SLC4A9: variants seen among roughly 807,000 people sequenced by gnomAD.
The protein encoded by SLC4A9 is anion exchange protein 4.
In SLC4A9, 102 loss-of-function variants were observed where a neutral mutation model predicts 103.2. That is an observed-to-expected ratio of 0.99 (90% CI 0.84 to 1.17). SLC4A9 has a LOEUF of 1.17. Ranked by LOEUF, SLC4A9 falls within the 50% of genes most tolerant of loss-of-function variation. The probability of loss-of-function intolerance (pLI) is 0.00; values close to 1 mark genes in which losing one functional copy is unlikely to be tolerated. For missense variants in SLC4A9, 1,091 were observed against 1,193.7 expected (o/e 0.91, Z 1.27); for synonymous variants, 453 against 483.6 (o/e 0.94, Z 0.83).
chr5:140,370,158 A>G (rs908524700), intron 17 of SLC4A9, among the ~76,000 whole-genome samples: 1 of 152,068 alleles, frequency 6.6e-6, no homozygotes, highest in East Asian at 1.9e-4. Context: ...GAGAGGAGAA[A>G]GATTTTTAAA....
chr5:140,364,314 G>A (rs1581141495), intron 10 of SLC4A9, 49 bp from the exon 11 acceptor site: 1 of 1,607,892 alleles, frequency 6.2e-7, no homozygotes, highest in Non-Finnish European at 8.5e-7. Context: ...GGTTTAGTGG[G>A]AAGCAGACAG....
At chr5:140,370,316 T>A (rs1768516621) in intron 17 of SLC4A9, among the ~76,000 whole-genome samples, 1 of 151,646 alleles carries the variant, frequency 6.6e-6, no homozygotes, top group Non-Finnish European at 1.5e-5. Context: ...ATATAAAAGT[T>A]AGCTGGGCGT....
chr5:140,360,775 T>A lies in SLC4A9; in HGVS notation c.231-37T>A, dbSNP rs551087926. 6.2e-6 allele frequency: 10 copies of A among 1,612,710 alleles called. No individual in the cohort carries two copies. In the African/African-American group the frequency reaches 1.3e-4, roughly 21 times the overall value. On this transcript the variant is annotated intron_variant, in intron 1 of 21. Coordinates refer to ENST00000506757, the MANE Select transcript of SLC4A9 (RefSeq NM_031467.3). ...TCTCTGCTCCTGGACATGGGAGAAATGCCCTCAATAACACTGTCTACCCAC... is the reference window on the plus strand; with the variant it reads ...TCTCTGCTCCTGGACATGGGAGAAAAGCCCTCAATAACACTGTCTACCCAC...
Position 140,360,683 on chromosome 5 carries a change from G to T in SLC4A9, c.231-129G>T, listed in dbSNP as rs1047671538. ...TAGATGAGGGGTGACTGCCAGGGTGGGGGGGAGACTTCACACCACTGGGCC... is the reference window on the plus strand; with the variant it reads ...TAGATGAGGGGTGACTGCCAGGGTGTGGGGGAGACTTCACACCACTGGGCC... On this transcript the variant is annotated intron_variant, in intron 1 of 21. Transcript: ENST00000506757. 8 of 1,442,568 alleles carry T rather than the reference G, an allele frequency of 5.5e-6. No individual in the cohort carries two copies. In the African/African-American group the frequency reaches 7.0e-5, roughly 13 times the overall value. 89.4% of individuals were successfully genotyped at this position (1,442,568 alleles called of 1,614,324 possible). A position where few individuals can be genotyped will look rare whatever the true frequency, so the allele number is the denominator to read the frequency against.
intron 19 of SLC4A9, among the ~76,000 whole-genome samples, chr5:140,371,918 T>C (rs554138806): frequency 6.6e-6 from 1 of 152,348 alleles, no homozygotes; most frequent in South Asian, 2.1e-4. Context: ...GTGACACTTT[T>C]ATTACTCAGT....
chr5:140,364,543 G>A lies in SLC4A9; in HGVS notation c.1569G>A (p.Met523Ile). Reference sequence around the variant, plus strand: ...TCATCTACGATGCTGTGGGCAAAATGCTGAACTTGACCCATACCTATCCTA... The same window carrying A: ...TCATCTACGATGCTGTGGGCAAAATACTGAACTTGACCCATACCTATCCTA... ...LIFIYDAVGK[M>I]LNLTHTYPIQ... The change falls in exon 11 of 22, where the codon ATG becomes ATA. Residue 523 changes from methionine to isoleucine, a missense_variant. Physicochemically the swap from Met to Ile is conservative, Grantham distance 10. Coordinates refer to ENST00000506757, the MANE Select transcript of SLC4A9 (RefSeq NM_031467.3). 6.2e-7 allele frequency: 1 copy of A among 1,607,646 alleles called. No individual in the cohort carries two copies. The highest frequency in any genetic ancestry group is 8.5e-7 in the Non-Finnish European group (1 of 1,176,830).
chr5:140,373,842 T>G (rs899415037), intron 21 of SLC4A9, among the ~76,000 whole-genome samples: 3 of 151,732 alleles, frequency 2.0e-5, no homozygotes, highest in Admixed American at 2.0e-4. Context: ...GGGAAAATAT[T>G]CTAAGGAAGG....
intron 16 of SLC4A9, 69 bp downstream of exon 16, chr5:140,367,967 A>T: frequency 6.5e-7 from 1 of 1,539,668 alleles, no homozygotes; most frequent in Non-Finnish European, 8.9e-7. Context: ...AACATGGCAG[A>T]GTTACTTGGG....
At chr5:140,361,400 C>A (rs1767064681) in intron 3 of SLC4A9, 33 bp downstream of exon 3, 1 of 1,516,870 alleles carries the variant, frequency 6.6e-7, no homozygotes, top group Non-Finnish European at 9.0e-7. Context: ...AGGACCAAGA[C>A]CCTGGTGTGG....
At chr5:140,367,925 TA>T (rs749908223) in intron 16 of SLC4A9, 27 bp downstream of exon 16, 13 of 1,611,160 alleles carry the variant, frequency 8.1e-6, no homozygotes, top group African/African-American at 1.3e-5. Flanking sequence ...GGAAGTGGAG[TA>T]AGAGGTGGGC....
intron 14 of SLC4A9, 28 bp downstream of exon 14, chr5:140,366,292 A>G: frequency 6.6e-7 from 1 of 1,511,722 alleles, no homozygotes; most frequent in South Asian, 1.2e-5. Flanking sequence ...GGGTTGGGGG[A>G]CCAGAGGGGA....
At chr5:140,367,698 T>C (rs1768098659) in intron 15 of SLC4A9, 22 bp from the exon 16 acceptor site, 6 of 1,613,264 alleles carry the variant, frequency 3.7e-6, no homozygotes, top group Non-Finnish European at 5.1e-6. Flanking sequence ...TTCATCCTCA[T>C]TGCCCCCACC....
chr5:140,372,175 G>C lies in SLC4A9; in HGVS notation c.2671-67G>C, dbSNP rs1268751672. ...CTAGCACATAGGAAGTGCTCAATAA[G>C]TGTTACTATTGTTAATGTTCCTACT... On this transcript the variant is annotated intron_variant, in intron 19 of 21. Transcript: ENST00000506757. The C allele has an allele frequency of 6.5e-6, 9 of 1,380,620 alleles. No individual in the cohort carries two copies. The South Asian group carries it at 1.4e-4, about 22-fold the overall frequency. 85.5% of individuals were successfully genotyped at this position (1,380,620 alleles called of 1,614,324 possible).
At chr5:140,368,203 G>A (rs1486635399) in intron 16 of SLC4A9, among the ~76,000 whole-genome samples, 1 of 152,180 alleles carries the variant, frequency 6.6e-6, no homozygotes, top group African/African-American at 2.4e-5. Context: ...AGTTACAAAG[G>A]AATCCATCAT....
rs756109133 is a variant in SLC4A9 at position 140,360,258 on chromosome 5, C to G, written c.22C>G (p.Gln8Glu). 23 of 1,611,546 alleles carry G rather than the reference C, an allele frequency of 1.4e-5. No homozygotes were observed. The highest frequency in any genetic ancestry group is 2.0e-5 in the Non-Finnish European group (23 of 1,178,866). The change falls in exon 1 of 22, where the codon CAG (glutamine) becomes GAG (glutamate). Residue 8 changes from glutamine (Q) to glutamate (E), a missense_variant. Gln to Glu is a conservative substitution (Grantham distance 29). Transcript: ENST00000506757. ...CCTCATGGAAATGAAGCTGCCAGGCCAGGAAGGGTTTGAAGCCTCCAGTGC... is the reference window on the plus strand; with the variant it reads ...CCTCATGGAAATGAAGCTGCCAGGCGAGGAAGGGTTTGAAGCCTCCAGTGC... MEMKLPG[Q>E]EGFEASSAPR...
In SLC4A9 at chr5:140,363,562, C is replaced by A. The variant is rs1283163048; in HGVS notation, c.1079+7C>A. 1.3e-6 allele frequency: 2 copies of A among 1,551,794 alleles called. No individual in the cohort carries two copies. Among genetic ancestry groups the A allele is most frequent in the Admixed American group, 2.0e-5 (1 of 51,040 alleles). ...AGTTGCAGCGGACCGGCAGGTGAGG[C>A]GAGCTGGGAGGAAACAAGGGTAGGT... On this transcript the variant is annotated splice_region_variant and intron_variant, in intron 8 of 21. Transcript: ENST00000506757. The surrounding 1 kb of genome is among the most constrained non-coding windows in gnomAD (Gnocchi z 4.5).
chr5:140,365,623 A>G (rs1351909021), intron 12 of SLC4A9, 45 bp downstream of exon 12: 7 of 1,589,278 alleles, frequency 4.4e-6, no homozygotes, highest in Non-Finnish European at 6.0e-6. Context: ...AAGGGTGGAG[A>G]CCAAGGCAGT....
chr5:140,360,231 A>G lies in SLC4A9; in HGVS notation c.-6A>G. 1 of 1,608,542 alleles carries G rather than the reference A, an allele frequency of 6.2e-7. No individual in the cohort carries two copies. The highest frequency in any genetic ancestry group is 1.7e-5 in the Admixed American group (1 of 59,488). ...TGTACTGGTTCTGAGATTCTGTGCA[A>G]GCCTCATGGAAATGAAGCTGCCAGG... On this transcript the variant is annotated 5_prime_UTR_variant, in exon 1 of 22. Transcript: ENST00000506757.
intron 18 of SLC4A9, 33 bp downstream of exon 18, chr5:140,371,196 AAAG>A (rs761907475): frequency 1.1e-5 from 17 of 1,582,676 alleles, no homozygotes; most frequent in South Asian, 3.4e-5. Flanking sequence ...ACAAAAGAAA[AAAG>A]AAGAATAAAA....
Sources: gnomAD v4.1 joint callset for allele counts (sites outside exome capture counted in the v4.1 genomes callset) on GRCh38, gnomAD v4.1.1 for gene constraint, Gnocchi (gnomAD v3.1) non-coding constraint, MANE v1.5 for transcripts, NCBI Gene and HGNC (gene_info 2026-07-23, HGNC 2026-07-21) for gene names.